The following CNTN6 variants were observed in gnomAD, a reference collection of about 807,000 sequenced individuals.
CNTN6 encodes contactin-6.
A neutral mutation model predicts 122.8 loss-of-function variants in CNTN6; 137 were observed. The observed-to-expected ratio is 1.12, with a 90% CI of 0.97 to 1.29. The LOEUF is 1.29. CNTN6 is among the 50% of genes most tolerant of loss of function. CNTN6 has a pLI of 0.00. For synonymous variants in CNTN6, 570 were observed against 426.0 expected, an observed-to-expected ratio of 1.34 and a Z score of -4.16; for missense variants, 1,634 against 1,223.4, an observed-to-expected ratio of 1.34 and a Z score of -5.01.
At chr3:1,214,891 G>C (rs2094108531) in intron 2 of CNTN6, among the ~76,000 whole-genome samples, 1 of 152,058 alleles carries the variant, frequency 6.6e-6, no homozygotes, top group Admixed American at 6.6e-5. Context: ...AAGTAGCTGG[G>C]ACTACAAGCA....
chr3:1,355,575 T>C (rs1236647990), intron 12 of CNTN6, among the ~76,000 whole-genome samples: 1 of 151,796 alleles, frequency 6.6e-6, no homozygotes, highest in Non-Finnish European at 1.5e-5. Flanking sequence ...TTTCTTAAGA[T>C]GGCTTAATAG....
At chr3:1,270,984 A>C (rs1419023467) in intron 4 of CNTN6, among the ~76,000 whole-genome samples, 1 of 152,160 alleles carries the variant, frequency 6.6e-6, no homozygotes, top group Non-Finnish European at 1.5e-5. Context: ...ATCTTGGCTC[A>C]CTGCAACCTC....
intron 1 of CNTN6, among the ~76,000 whole-genome samples, chr3:1,126,627 A>G (rs766085928): frequency 1.3e-5 from 2 of 152,004 alleles, no homozygotes; most frequent in Non-Finnish European, 1.5e-5. Context: ...GCCTTGTTCA[A>G]TTTTGTATCA....
At chr3:1,106,723 C>A (rs920200245) in intron 1 of CNTN6, among the ~76,000 whole-genome samples, 3 of 152,054 alleles carry the variant, frequency 2.0e-5, no homozygotes, top group African/African-American at 7.2e-5. Context: ...GTTGGCTAGA[C>A]GTCTATCCAA....
intron 1 of CNTN6, among the ~76,000 whole-genome samples, chr3:1,131,247 G>A (rs1004014723): frequency 1.3e-5 from 2 of 152,032 alleles, no homozygotes; most frequent in African/African-American, 4.8e-5. Flanking sequence ...AGTAAGTAGG[G>A]TGTTAATTAT....
chr3:1,252,258 C>A (rs933153145), intron 4 of CNTN6, among the ~76,000 whole-genome samples: 7 of 152,162 alleles, frequency 4.6e-5, no homozygotes, highest in African/African-American at 1.7e-4. Context: ...GAAGAACAGC[C>A]TTTTCATTGT....
intron 1 of CNTN6, among the ~76,000 whole-genome samples, chr3:1,094,533 A>G (rs1422459795): frequency 2.6e-5 from 4 of 152,190 alleles, no homozygotes; most frequent in African/African-American, 9.6e-5. Flanking sequence ...TTAGCAAAAA[A>G]GTCAATCATT....
intron 2 of CNTN6, among the ~76,000 whole-genome samples, chr3:1,154,632 G>C (rs185385276): frequency 6.6e-6 from 1 of 151,778 alleles, no homozygotes; most frequent in East Asian, 1.9e-4. Context: ...TAGTAGAGAC[G>C]GGGTTTCTCC....
chr3:1,156,183 C>A (rs1198987038), intron 2 of CNTN6, among the ~76,000 whole-genome samples: 2 of 152,172 alleles, frequency 1.3e-5, no homozygotes, highest in African/African-American at 4.8e-5. Flanking sequence ...TGATATTCTG[C>A]ATTGTTCTTC....
At chr3:1,363,345 C>T (rs937161775) in intron 12 of CNTN6, among the ~76,000 whole-genome samples, 21 of 151,872 alleles carry the variant, frequency 1.4e-4, no homozygotes, top group African/African-American at 4.8e-4. Flanking sequence ...TATCATTGTG[C>T]TGTGCATTCT....
At chr3:1,225,067 A>G (rs1238551366) in intron 3 of CNTN6, among the ~76,000 whole-genome samples, 1 of 152,172 alleles carries the variant, frequency 6.6e-6, no homozygotes, top group Non-Finnish European at 1.5e-5. Flanking sequence ...TTCTTGACAC[A>G]GGACTGAACT....
At chr3:1,235,036 T>C (rs2094403686) in intron 4 of CNTN6, among the ~76,000 whole-genome samples, 1 of 152,228 alleles carries the variant, frequency 6.6e-6, no homozygotes, top group Non-Finnish European at 1.5e-5. Context: ...TTTAGCCTCA[T>C]TTTTTCCCAC....
chr3:1,139,025 A>C (rs114195438), intron 1 of CNTN6, among the ~76,000 whole-genome samples: 1,774 of 152,252 alleles, frequency 0.012, 40 homozygotes, highest in African/African-American at 0.04. Context: ...TCTCTAGGCC[A>C]ACCTTTAGCC....
At chr3:1,361,379 T>G (rs1707440552) in intron 12 of CNTN6, among the ~76,000 whole-genome samples, 1 of 152,162 alleles carries the variant, frequency 6.6e-6, no homozygotes, top group Non-Finnish European at 1.5e-5. Context: ...AATCTTCTAA[T>G]GGTTCTTCAG....
intron 4 of CNTN6, among the ~76,000 whole-genome samples, chr3:1,229,383 G>T (rs1037705125): frequency 3.9e-5 from 6 of 152,016 alleles, no homozygotes; most frequent in African/African-American, 1.4e-4. Flanking sequence ...ACATACACAT[G>T]ATATGAATCA....
intron 2 of CNTN6, among the ~76,000 whole-genome samples, chr3:1,197,723 A>G (rs2093798564): frequency 6.6e-6 from 1 of 152,120 alleles, no homozygotes; most frequent in Admixed American, 6.6e-5. Context: ...CGCTCTCTGA[A>G]CCTTCTTATC....
intron 2 of CNTN6, among the ~76,000 whole-genome samples, chr3:1,155,733 T>C (rs1355781545): frequency 1.3e-5 from 2 of 152,198 alleles, no homozygotes; most frequent in East Asian, 3.9e-4. Context: ...TATCTCAAGA[T>C]GTATTTTTTT....
chr3:1,401,662 A>ATTAT, intron 21 of CNTN6, 117 bp downstream of exon 21: 1 of 667,554 alleles, frequency 1.5e-6, no homozygotes, highest in Non-Finnish European at 2.6e-6. Flanking sequence ...CTTTTTCAAA[A>ATTAT]TTATTTTGAA....
chr3:1,097,038 G>C (rs35436156), intron 1 of CNTN6, among the ~76,000 whole-genome samples: 117 of 152,290 alleles, frequency 7.7e-4, no homozygotes, highest in African/African-American at 2.6e-3. Context: ...AATTTTATTA[G>C]AATGTTGTTA....
Sources: allele counts gnomAD v4.1 joint callset (sites outside exome capture counted in the v4.1 genomes callset), GRCh38; gene constraint gnomAD v4.1.1; transcripts MANE v1.5; gene names NCBI Gene and HGNC (gene_info 2026-07-23, HGNC 2026-07-21).